AFG2A: variants seen among roughly 807,000 people sequenced by gnomAD.
The protein encoded by AFG2A is AAA ATPase AFG2A, also known as ATPase family gene 2 protein homolog A.
At chr4:122,973,434 C>T in the AFG2A span, among the ~76,000 whole-genome samples, 1 of 144,812 alleles carries the variant, frequency 6.9e-6, no homozygotes, top group Non-Finnish European at 1.5e-5. Context: ...AATGTACTTC[C>T]TTATTTGCCC....
the AFG2A span, among the ~76,000 whole-genome samples, chr4:123,013,721 C>T: frequency 6.6e-6 from 1 of 152,164 alleles, no homozygotes; most frequent in Non-Finnish European, 1.5e-5. Context: ...CCCATCTTAA[C>T]CTCCTACCAG....
At chr4:123,084,277 T>A in the AFG2A span, among the ~76,000 whole-genome samples, 1 of 151,980 alleles carries the variant, frequency 6.6e-6, no homozygotes, top group African/African-American at 2.4e-5. Flanking sequence ...ATTGTTTTTT[T>A]CTCTTTTGAC....
chr4:123,045,666 A>G, the AFG2A span, among the ~76,000 whole-genome samples: 2 of 152,166 alleles, frequency 1.3e-5, no homozygotes, highest in African/African-American at 4.8e-5. Flanking sequence ...ATCAGGTGAT[A>G]CTTGATTTTA....
At chr4:122,953,087 C>T in the AFG2A span, among the ~76,000 whole-genome samples, 23 of 152,070 alleles carry the variant, frequency 1.5e-4, no homozygotes, top group Admixed American at 1.4e-3. Context: ...TTCATTATGT[C>T]CCCCCAGCAG....
At chr4:122,926,631 A>G in the AFG2A span, among the ~76,000 whole-genome samples, 1 of 152,178 alleles carries the variant, frequency 6.6e-6, no homozygotes, top group Admixed American at 6.5e-5. Flanking sequence ...TTATTACAGA[A>G]TATCTGTTTT....
the AFG2A span, among the ~76,000 whole-genome samples, chr4:123,184,887 G>C: frequency 0.5 from 75,991 of 152,164 alleles, 23,477 homozygotes; most frequent in Non-Finnish European, 0.67. Context: ...CCATTAGTAA[G>C]TTGCCAATAA....
At chr4:122,933,479 T>G in the AFG2A span, 1 of 1,612,016 alleles carries the variant, frequency 6.2e-7, no homozygotes, top group Non-Finnish European at 8.5e-7. Context: ...ACTGACTGGT[T>G]GTATCCTGAG....
At chr4:123,044,691 A>G in the AFG2A span, among the ~76,000 whole-genome samples, 126,559 of 152,002 alleles carry the variant, frequency 0.83, 53,861 homozygotes, top group East Asian at 0.97. Context: ...CATCTTTTAC[A>G]TGAACTTTTT....
chr4:123,073,632 T>A, the AFG2A span, among the ~76,000 whole-genome samples: 2 of 152,302 alleles, frequency 1.3e-5, no homozygotes, highest in South Asian at 4.1e-4. Context: ...CATTACTACT[T>A]CTTCGTCAAA....
chr4:123,105,413 G>T, the AFG2A span, among the ~76,000 whole-genome samples: 1 of 152,160 alleles, frequency 6.6e-6, no homozygotes, highest in Non-Finnish European at 1.5e-5. Context: ...TAATGTTTTT[G>T]TGTCTGCTAA....
At chr4:123,082,852 G>C in the AFG2A span, among the ~76,000 whole-genome samples, 1 of 151,842 alleles carries the variant, frequency 6.6e-6, no homozygotes. Context: ...TTTCATTGGT[G>C]TTTGTATTTT....
the AFG2A span, among the ~76,000 whole-genome samples, chr4:123,279,115 A>G: frequency 2.0e-5 from 3 of 152,330 alleles, no homozygotes; most frequent in South Asian, 6.2e-4. Flanking sequence ...TCTACTTGAA[A>G]AATGAAGAGT....
At chr4:123,210,248 C>G in the AFG2A span, among the ~76,000 whole-genome samples, 1 of 152,156 alleles carries the variant, frequency 6.6e-6, no homozygotes, top group Non-Finnish European at 1.5e-5. Context: ...ACTGCCTTAG[C>G]AATTTTCAAA....
the AFG2A span, among the ~76,000 whole-genome samples, chr4:123,102,031 T>A: frequency 6.6e-6 from 1 of 151,994 alleles, no homozygotes; most frequent in Non-Finnish European, 1.5e-5. Flanking sequence ...TACTAGATAA[T>A]CTTTGATATA....
the AFG2A span, among the ~76,000 whole-genome samples, chr4:123,295,724 C>A: frequency 6.6e-6 from 1 of 152,324 alleles, no homozygotes; most frequent in South Asian, 2.1e-4. Context: ...TGAAAACCTG[C>A]CAGCATGGCA....
At chr4:122,999,705 C>T in the AFG2A span, among the ~76,000 whole-genome samples, 1 of 152,224 alleles carries the variant, frequency 6.6e-6, no homozygotes, top group Non-Finnish European at 1.5e-5. Flanking sequence ...TGTTTGGTTA[C>T]TGTAGCCTTG....
At chr4:123,016,741 A>C in the AFG2A span, among the ~76,000 whole-genome samples, 3 of 152,054 alleles carry the variant, frequency 2.0e-5, no homozygotes, top group Non-Finnish European at 4.4e-5. Flanking sequence ...AGAGGCTGCA[A>C]TCTTGGCACT....
chr4:123,003,692 G>A, the AFG2A span, among the ~76,000 whole-genome samples: 1 of 151,944 alleles, frequency 6.6e-6, no homozygotes, highest in Admixed American at 6.6e-5. Context: ...GTACCCGGCC[G>A]TGTGAGGTGT....
chr4:123,074,705 C>A, the AFG2A span, among the ~76,000 whole-genome samples: 1 of 152,106 alleles, frequency 6.6e-6, no homozygotes, highest in Non-Finnish European at 1.5e-5. Context: ...TTAGCACTAT[C>A]TCTTGCCAGA....
Sources: gnomAD v4.1 joint callset for allele counts (sites outside exome capture counted in the v4.1 genomes callset) on GRCh38, gnomAD v4.1.1 for gene constraint, MANE v1.5 for transcripts, NCBI Gene and HGNC (gene_info 2026-07-23, HGNC 2026-07-21) for gene names.